The following CTSW variants were observed in gnomAD, a reference collection of about 807,000 sequenced individuals.
CTSW encodes lymphopain.
In CTSW, 42 loss-of-function variants were observed where a neutral mutation model predicts 43.8. The observed-to-expected ratio is 0.96, with a 90% CI of 0.75 to 1.24. The LOEUF is 1.24. Among genes scored for constraint, CTSW ranks in the 50% most tolerant of loss-of-function variants. CTSW has a pLI of 0.00. For synonymous variants in CTSW, 191 were observed against 184.8 expected (o/e 1.03, Z -0.27); for missense variants, 475 against 479.9 (o/e 0.99, Z 0.09).
rs1038077127 is a variant in CTSW at position 65,883,687 on chromosome 11, T to G, written c.*69T>G. 1.4e-6 allele frequency: 2 copies of G among 1,435,150 alleles called. No homozygotes were observed. The highest frequency in any genetic ancestry group is 1.4e-5 in the African/African-American group (1 of 71,338). The allele number at this position is 1,435,150 out of a possible 1,614,324, so 88.9% of individuals were successfully genotyped here. A position where few individuals can be genotyped will look rare whatever the true frequency, so the allele number is the denominator to read the frequency against. On this transcript the variant is annotated 3_prime_UTR_variant, in exon 10 of 10. Transcript: ENST00000307886. ...TCCTTGCCAGCCCCACCCCCAGGTT[T>G]TTGCCCATCCTCCCAATCTCAATAC... is the stretch of plus-strand genomic sequence containing the variant.
rs1342297732 is a variant in CTSW at position 65,882,644 on chromosome 11, C to T, written c.574C>T (p.His192Tyr). 1.2e-6 allele frequency: 2 copies of T among 1,614,170 alleles called. No homozygotes were observed. The highest frequency in any genetic ancestry group is 3.3e-4 in the Middle Eastern group (2 of 6,062). The change falls in exon 6 of 10, where the codon CAC becomes TAC. Residue 192 changes from histidine to tyrosine, a missense_variant. Transcript: ENST00000307886. ...LDCGRCGDGCHGGFVWDAFIT... is the reference protein window; with the variant it reads ...LDCGRCGDGCYGGFVWDAFIT... ...CTGTGGCCGCTGTGGGGATGGCTGC[C>T]ACGGTGGCTTCGTCTGGGACGCGTT... is the stretch of plus-strand genomic sequence containing the variant.
Position 65,882,057 on chromosome 11 carries a change from G to A in CTSW, c.287-118G>A, listed in dbSNP as rs562416331. ...ATTATAGGTGTGAGCCACCACGCCC[G>A]GCCTATCCTTGCCTTTTTGCCCCTC... On this transcript the variant is annotated intron_variant, in intron 3 of 9. Transcript: ENST00000307886. The A allele has an allele frequency of 4.7e-5, 60 of 1,275,772 alleles. 1 individual carries two copies. The highest frequency in any genetic ancestry group is 4.6e-4 in the South Asian group (33 of 71,586). The allele number at this position is 1,275,772 out of a possible 1,614,324, so 79.0% of individuals were successfully genotyped here.
chr11:65,882,053 G>T, intron 3 of CTSW, 122 bp from the exon 4 acceptor site: 1 of 1,217,976 alleles, frequency 8.2e-7, no homozygotes, highest in Non-Finnish European at 1.1e-6. Context: ...GAGCCACCAC[G>T]CCCGGCCTAT....
intron 6 of CTSW, 34 bp from the exon 7 acceptor site, chr11:65,882,745 G>A: frequency 6.2e-7 from 1 of 1,614,188 alleles, no homozygotes; most frequent in Non-Finnish European, 8.5e-7. Context: ...GTGGGCAGGA[G>A]CGGAACCTCC....
Position 65,881,468 on chromosome 11 carries a change from G to A in CTSW, c.234G>A (p.Glu78=). The A allele has an allele frequency of 6.2e-7, 1 of 1,611,860 alleles. No individual in the cohort carries two copies. The part of the protein sequence containing the change: ...HNLAQAQRLQ[E]EDLGTAEFGV... ...TGGCCCAGGCTCAGAGGCTGCAGGA[G>A]GAGGACTTGGGCACAGCTGAGTTTG... Residue 78 remains glutamate, a synonymous_variant, in exon 3 of 10, where the codon GAG becomes GAA. Coordinates refer to ENST00000307886, the MANE Select transcript of CTSW (RefSeq NM_001335.4).
intron 2 of CTSW, among the ~76,000 whole-genome samples, chr11:65,881,147 C>T (rs1860101335): frequency 6.6e-6 from 1 of 152,120 alleles, no homozygotes; most frequent in Admixed American, 6.5e-5. Flanking sequence ...CTTGAGTCAC[C>T]ACCACCGGAC....
At chr11:65,880,029 G>A in intron 1 of CTSW, 88 bp downstream of exon 1, 1 of 1,334,472 alleles carries the variant, frequency 7.5e-7, no homozygotes, top group South Asian at 1.3e-5. Context: ...TCATTTTTCA[G>A]AGGGAGTTGC....
In CTSW at chr11:65,883,701, C is replaced by A; in HGVS notation, c.*83C>A. ...ACCCCCAGGTTTTTGCCCATCCTCC[C>A]AATCTCAATACAGCCTGAATAAACC... On this transcript the variant is annotated 3_prime_UTR_variant, in exon 10 of 10. Transcript: ENST00000307886. 8.0e-7 allele frequency: 1 copy of A among 1,250,978 alleles called. No individual in the cohort carries two copies. The highest frequency in any genetic ancestry group is 1.2e-6 in the Non-Finnish European group (1 of 866,216). 77.5% of individuals were successfully genotyped at this position (1,250,978 alleles called of 1,614,324 possible).
chr11:65,881,286 G>A (rs1860102323), intron 2 of CTSW, 121 bp from the exon 3 acceptor site: 3 of 552,344 alleles, frequency 5.4e-6, no homozygotes, highest in African/African-American at 1.9e-5. Context: ...CCTTGTGGGG[G>A]CTACAGGAAA....
At chr11:65,880,698 G>T in intron 2 of CTSW, 1 of 203,314 alleles carries the variant, frequency 4.9e-6, no homozygotes, top group South Asian at 7.2e-5. Context: ...AGCAGGACAG[G>T]CCAGGGCTGG....
At chr11:65,880,325 C>CTTTT in intron 2 of CTSW, 39 bp downstream of exon 2, 4 of 1,316,862 alleles carry the variant, frequency 3.0e-6, no homozygotes, top group Non-Finnish European at 4.2e-6. Context: ...CAAGCCCCCA[C>CTTTT]TTTTTTTTTT....
intron 9 of CTSW, 32 bp from the exon 10 acceptor site, chr11:65,883,476 C>A (rs779261653): frequency 6.2e-7 from 1 of 1,611,610 alleles, no homozygotes; most frequent in Non-Finnish European, 8.5e-7. Context: ...CCTCTTCCCA[C>A]CTTCCCGCCC....
Position 65,883,443 on chromosome 11 carries a change from G to T in CTSW, c.1020+19G>T, listed in dbSNP as rs756431864. ...AGAGAAGGTGAGTGTGATCTATTGG[G>T]GGAGGGGGCAAGGCAGAACAGGCCT... On this transcript the variant is annotated intron_variant, in intron 9 of 9. Coordinates refer to ENST00000307886, the MANE Select transcript of CTSW (RefSeq NM_001335.4). 6.2e-7 allele frequency: 1 copy of T among 1,613,894 alleles called. No homozygotes were observed. The highest frequency in any genetic ancestry group is 8.5e-7 in the Non-Finnish European group (1 of 1,179,852).
At chr11:65,883,477 CT>C (rs755079937) in intron 9 of CTSW, 30 bp from the exon 10 acceptor site, 9 of 1,611,634 alleles carry the variant, frequency 5.6e-6, no homozygotes, top group Non-Finnish European at 7.6e-6. Flanking sequence ...CTCTTCCCAC[CT>C]TCCCGCCCCT....
rs377196811 is a variant in CTSW, at chr11:65,883,378, C to T, written c.974C>T (p.Pro325Leu). ...QSQPQPPHPTPYWILKNSWGA... is the reference protein window; with the variant it reads ...QSQPQPPHPTLYWILKNSWGA... ...CAGCCTCAGCCTCCACACCCCACCC[C>T]ATACTGGATCCTGAAGAACTCCTGG... Residue 325 changes from proline to leucine, a missense_variant, in exon 9 of 10, where the codon CCA (proline) becomes CTA (leucine). Physicochemically the swap from Pro to Leu is moderately conservative, Grantham distance 98 (BLOSUM62 -3). Transcript: ENST00000307886. 14 of 1,614,122 alleles carry T rather than the reference C, an allele frequency of 8.7e-6. No individual in the cohort carries two copies. In the African/African-American group the frequency reaches 1.9e-4, roughly 22 times the overall value.
Position 65,879,854 on chromosome 11 carries a change from C to T in CTSW, c.-1C>T, listed in dbSNP as rs75558232. ...TCCATGCCACTCCAGACTGCACCGGCATGGCACTGACTGCCCACCCCTCCT... is the reference window on the plus strand; with the variant it reads ...TCCATGCCACTCCAGACTGCACCGGTATGGCACTGACTGCCCACCCCTCCT... On this transcript the variant is annotated 5_prime_UTR_variant, in exon 1 of 10. Coordinates refer to ENST00000307886, the MANE Select transcript of CTSW (RefSeq NM_001335.4). The T allele has an allele frequency of 7.3e-4, 1,185 of 1,613,560 alleles. 14 individuals carry two copies. The East Asian group carries it at 0.016, about 22-fold the overall frequency.
chr11:65,883,116 A>G lies in CTSW; in HGVS notation c.793A>G (p.Asn265Asp), dbSNP rs1461768633. The stretch of plus-strand genomic sequence containing the variant: ...TTATGGCCCCATCACCGTGACCATC[A>G]ACATGAAGCCCCTTCAGGTGAGATG... ...ATYGPITVTI[N>D]MKPLQLYRKG... Residue 265 changes from asparagine (N) to aspartate (D), a missense_variant, in exon 8 of 10, where the codon AAC becomes GAC. Coordinates refer to ENST00000307886, the MANE Select transcript of CTSW (RefSeq NM_001335.4). The G allele has an allele frequency of 1.2e-6, 2 of 1,613,970 alleles. No homozygotes were observed. Among genetic ancestry groups the G allele is most frequent in the African/African-American group, 2.7e-5 (2 of 74,888 alleles).
At chr11:65,882,351 G>C in intron 4 of CTSW, 22 bp downstream of exon 4, 1 of 1,614,000 alleles carries the variant, frequency 6.2e-7, no homozygotes, top group Non-Finnish European at 8.5e-7. Flanking sequence ...TACCCAGCTG[G>C]CTCTAATTCA....
At chr11:65,881,323 T>C (rs1014636250) in intron 2 of CTSW, 84 bp from the exon 3 acceptor site, 4 of 840,678 alleles carry the variant, frequency 4.8e-6, no homozygotes, top group Non-Finnish European at 7.3e-6. Context: ...TGGGTGGGTG[T>C]GGGTGGAAGG....
Sources: gnomAD v4.1 joint callset for allele counts (sites outside exome capture counted in the v4.1 genomes callset) on GRCh38, gnomAD v4.1.1 for gene constraint, MANE v1.5 for transcripts, NCBI Gene and HGNC (gene_info 2026-07-23, HGNC 2026-07-21) for gene names.